Variants in GABRG3 observed in about 807,000 individuals in gnomAD.
The protein encoded by GABRG3 is gamma-aminobutyric acid type A receptor subunit gamma3, also known as gamma-aminobutyric acid receptor subunit gamma-3.
GABRG3 carries 25 observed loss-of-function variants against 48.8 expected under a neutral mutation model. The observed-to-expected ratio is 0.51, with a 90% CI of 0.37 to 0.72. The LOEUF (loss-of-function observed/expected upper bound fraction) is 0.72, where lower values mean the gene tolerates loss of function less well. GABRG3 is among the 30% of genes least tolerant of loss of function. The pLI is 0.00. For missense variants in GABRG3, 394 were observed against 577.9 expected, an observed-to-expected ratio of 0.68 and a Z score of 3.26; for synonymous variants, 227 against 217.6, an observed-to-expected ratio of 1.04 and a Z score of -0.38.
chr15:27,413,290 C>T (rs1231421055), intron 5 of GABRG3, among the ~76,000 whole-genome samples: 2 of 152,112 alleles, frequency 1.3e-5, no homozygotes, highest in African/African-American at 4.8e-5. Flanking sequence ...TTTAAGACTA[C>T]ACATCTCAAA....
chr15:27,043,997 G>C (rs771406468), intron 3 of GABRG3, among the ~76,000 whole-genome samples: 27 of 152,320 alleles, frequency 1.8e-4, no homozygotes, highest in Admixed American at 1.3e-4. Flanking sequence ...GCCTGGCTCA[G>C]TTCCTGGCAC....
At chr15:27,170,987 G>A (rs1887548202) in intron 3 of GABRG3, among the ~76,000 whole-genome samples, 1 of 152,120 alleles carries the variant, frequency 6.6e-6, no homozygotes, top group African/African-American at 2.4e-5. Context: ...TGGGCTTTTA[G>A]CACTCGCTCT....
At chr15:27,177,479 G>A (rs1268935960) in intron 3 of GABRG3, among the ~76,000 whole-genome samples, 2 of 152,184 alleles carry the variant, frequency 1.3e-5, no homozygotes, top group Non-Finnish European at 2.9e-5. Context: ...CCTTTTGTTA[G>A]TCTTACAAAG....
chr15:27,529,722 G>C (rs1891372369), intron 9 of GABRG3, among the ~76,000 whole-genome samples: 3 of 152,232 alleles, frequency 2.0e-5, no homozygotes, highest in Middle Eastern at 3.4e-3. Context: ...GACCAAAACA[G>C]AGGGGAGAGG....
intron 3 of GABRG3, among the ~76,000 whole-genome samples, chr15:27,118,627 A>G (rs1265964954): frequency 6.6e-6 from 1 of 152,228 alleles, no homozygotes; most frequent in East Asian, 1.9e-4. Context: ...GTGCAGTCTG[A>G]ATAAAATTGG....
At chr15:27,473,280 A>G (rs1346509076) in intron 5 of GABRG3, among the ~76,000 whole-genome samples, 2 of 152,146 alleles carry the variant, frequency 1.3e-5, no homozygotes. Context: ...CAGCCCTTAT[A>G]TGTTTCTTCT....
rs1383736779 is a variant in GABRG3 at position 27,236,786 on chromosome 15, T to G, written c.271-90023T>G. Among the ~76,000 whole-genome samples the G allele has an allele frequency of 6.6e-6, 1 of 152,238 alleles. No individual in the cohort carries two copies. Among genetic ancestry groups the G allele is most frequent in the African/African-American group, 2.4e-5 (1 of 41,468 alleles). On this transcript the variant is annotated intron_variant, in intron 3 of 9. Coordinates refer to ENST00000615808, the MANE Select transcript of GABRG3 (RefSeq NM_033223.5). This position sits in a 1 kb window ranked among gnomAD's most constrained non-coding sequence, Gnocchi z 4.4. ...GATCATGCGAACACTGCCATTTTTT[T>G]AACATGGGTCCCATGAAGAGGCATG...
chr15:27,087,408 C>T (rs1253583494), intron 3 of GABRG3, among the ~76,000 whole-genome samples: 5 of 152,198 alleles, frequency 3.3e-5, no homozygotes, highest in African/African-American at 7.2e-5. Context: ...TGTGTCAGAC[C>T]GCCTTGGGGT....
At chr15:27,334,730 G>A (rs945194830) in intron 5 of GABRG3, among the ~76,000 whole-genome samples, 2 of 152,112 alleles carry the variant, frequency 1.3e-5, no homozygotes, top group Non-Finnish European at 2.9e-5. Flanking sequence ...GAACTTATAC[G>A]ATAGTTAATT....
chr15:27,415,207 A>G (rs976697833), intron 5 of GABRG3, among the ~76,000 whole-genome samples: 1 of 151,932 alleles, frequency 6.6e-6, no homozygotes, highest in African/African-American at 2.4e-5. Flanking sequence ...ATAGTTCTTG[A>G]ATATTCTGTT....
chr15:27,295,788 G>A (rs949440454), intron 3 of GABRG3, among the ~76,000 whole-genome samples: 1 of 152,148 alleles, frequency 6.6e-6, no homozygotes, highest in Non-Finnish European at 1.5e-5. Flanking sequence ...AGTAAAAGTG[G>A]AATAGAAATA....
intron 3 of GABRG3, among the ~76,000 whole-genome samples, chr15:27,055,861 AAATACTAGGG>A (rs1896536174): frequency 6.6e-6 from 1 of 152,214 alleles, no homozygotes; most frequent in South Asian, 2.1e-4. Context: ...ATCATCCCAG[AAATACTAGGG>A]AAATATATGG....
At chr15:26,981,756 T>G (rs529621095) in intron 2 of GABRG3, among the ~76,000 whole-genome samples, 13 of 152,280 alleles carry the variant, frequency 8.5e-5, no homozygotes, top group East Asian at 1.9e-4. Context: ...GTGGCTTGCT[T>G]CTTCTCCTTC....
intron 7 of GABRG3, 125 bp from the exon 8 acceptor site, chr15:27,527,308 T>G (rs1436657560): frequency 3.4e-5 from 23 of 686,076 alleles, no homozygotes; most frequent in Non-Finnish European, 4.4e-5. Flanking sequence ...TAACATTACA[T>G]GAGGTATGCA....
chr15:27,238,728 C>T (rs17137710), intron 3 of GABRG3, among the ~76,000 whole-genome samples: 19,657 of 152,144 alleles, frequency 0.13, 1,378 homozygotes, highest in Middle Eastern at 0.16. Flanking sequence ...TGGATATTTT[C>T]GAACTTTTCA....
chr15:27,425,514 G>A (rs888951373), intron 5 of GABRG3, among the ~76,000 whole-genome samples: 1 of 151,822 alleles, frequency 6.6e-6, no homozygotes, highest in Non-Finnish European at 1.5e-5. Context: ...GGGAGGCTGA[G>A]GCAGGAGAAT....
chr15:27,062,815 A>G (rs1175406824), intron 3 of GABRG3, among the ~76,000 whole-genome samples: 1 of 152,184 alleles, frequency 6.6e-6, no homozygotes, highest in East Asian at 1.9e-4. Flanking sequence ...TTTTCACTGA[A>G]CTGTAAAGGA....
chr15:27,264,096 G>A (rs989073644), intron 3 of GABRG3, among the ~76,000 whole-genome samples: 1 of 152,172 alleles, frequency 6.6e-6, no homozygotes, highest in Non-Finnish European at 1.5e-5. Flanking sequence ...GAGAGGGCAG[G>A]ATTCAAATCA....
chr15:27,383,695 T>C (rs1445764207), intron 5 of GABRG3, among the ~76,000 whole-genome samples: 1 of 152,214 alleles, frequency 6.6e-6, no homozygotes, highest in East Asian at 1.9e-4. Context: ...AAAATGACTT[T>C]TGCCTTGTAA....
Sources: gnomAD v4.1 joint callset for allele counts (sites outside exome capture counted in the v4.1 genomes callset) on GRCh38, gnomAD v4.1.1 for gene constraint, Gnocchi (gnomAD v3.1) non-coding constraint, MANE v1.5 for transcripts, NCBI Gene and HGNC (gene_info 2026-07-23, HGNC 2026-07-21) for gene names.